PRELP: variants seen among roughly 807,000 people sequenced by gnomAD.
PRELP encodes prolargin.
PRELP carries 16 observed loss-of-function variants against 22.8 expected under a neutral mutation model. The observed-to-expected ratio is 0.70, with a 90% CI of 0.47 to 1.06. The LOEUF is 1.06. Ranked by LOEUF, PRELP falls within the 50% of genes least tolerant of loss-of-function variation. The pLI is 0.00. For synonymous variants in PRELP, 233 were observed against 211.4 expected, an observed-to-expected ratio of 1.10 and a Z score of -0.89; for missense variants, 434 against 485.2, an observed-to-expected ratio of 0.89 and a Z score of 0.99.
chr1:203,483,403 TC>T lies in PRELP; in HGVS notation c.223del (p.Arg75AlafsTer67). 6.2e-7 allele frequency: 1 copy of T among 1,613,996 alleles called. No individual in the cohort carries two copies. The highest frequency in any genetic ancestry group is 8.5e-7 in the Non-Finnish European group (1 of 1,179,974). On this transcript the variant is annotated frameshift_variant, in exon 2 of 3. Transcript: ENST00000343110. LOFTEE classifies it high-confidence loss of function. This position sits in a 1 kb window ranked among gnomAD's most constrained non-coding sequence, Gnocchi z 4.4. ...GCCCTCCATCTATCTTCCCTGACTG[TC>T]CCCGCGAATGCTACTGCCCCCCTGA... ...PGPPSIFPDC[P>X]RECYCPPDFP...
chr1:203,484,181 G>GGGGGGGGGGGC, intron 2 of PRELP, 24 bp downstream of exon 2: 4 of 1,511,592 alleles, frequency 2.6e-6, no homozygotes, highest in Non-Finnish European at 3.6e-6. Context: ...GCCGGGGCGG[G>GGGGGGGGGGGC]GCCGAAGGCA....
intron 1 of PRELP, among the ~76,000 whole-genome samples, 178 bp downstream of exon 1, chr1:203,476,116 C>T (rs1364901340): frequency 6.6e-6 from 1 of 152,160 alleles, no homozygotes; most frequent in African/African-American, 2.4e-5. Context: ...CCTATAGCCT[C>T]TTCCTTTTCT....
Position 203,486,713 on chromosome 1 carries a change from C to G in PRELP, c.981C>G (p.Asn327Lys). 2.5e-6 allele frequency: 4 copies of G among 1,609,388 alleles called. No homozygotes were observed. Among genetic ancestry groups the G allele is most frequent in the Non-Finnish European group, 3.4e-6 (4 of 1,176,076 alleles). Residue 327 changes from asparagine to lysine, a missense_variant, in exon 3 of 3, where the codon AAC becomes AAG. Coordinates refer to ENST00000343110, the MANE Select transcript of PRELP (RefSeq NM_002725.4). ...CGTCTTCTTTTTCCGTAGAAATCAACGGAACCCAGATTTGCCCCAACGACC... is the reference window on the plus strand; with the variant it reads ...CGTCTTCTTTTTCCGTAGAAATCAAGGGAACCCAGATTTGCCCCAACGACC... ...YLNNNSIEKI[N>K]GTQICPNDLV...
At chr1:203,481,792 G>A (rs555283277) in intron 1 of PRELP, among the ~76,000 whole-genome samples, 8 of 152,190 alleles carry the variant, frequency 5.3e-5, no homozygotes, top group Non-Finnish European at 1.0e-4. Context: ...TGGATCTGCT[G>A]TTAAACAGCA....
In PRELP at chr1:203,487,912, C is replaced by T. The variant is rs1661125619; in HGVS notation, c.*1031C>T. 1.3e-5 allele frequency: 2 copies of T among 152,262 alleles called. No individual in the cohort carries two copies. The highest frequency in any genetic ancestry group is 4.8e-5 in the African/African-American group (2 of 41,468). 9.4% of individuals were successfully genotyped at this position (152,262 alleles called of 1,614,324 possible). On this transcript the variant is annotated 3_prime_UTR_variant, in exon 3 of 3. Transcript: ENST00000343110. The stretch of plus-strand genomic sequence containing the variant: ...CTCCACGTTTGAAAATGCGCCTCCT[C>T]CTCGGAGACAGACGCATCGGTGCCA...
rs981184744 is a variant in PRELP, at chr1:203,490,774, C to A, written c.*3893C>A. 6.6e-6 allele frequency: 1 copy of A among 152,232 alleles called. No homozygotes were observed. Among genetic ancestry groups the A allele is most frequent in the Non-Finnish European group, 1.5e-5 (1 of 68,050 alleles). The allele number at this position is 152,232 out of a possible 1,614,324, so 9.4% of individuals were successfully genotyped here. Reference sequence around the variant, plus strand: ...TGAGAACTGCCAGGTGACGCCCTCGCTGCTCCTACCTGGCTACTAAACATC... The same window carrying A: ...TGAGAACTGCCAGGTGACGCCCTCGATGCTCCTACCTGGCTACTAAACATC... On this transcript the variant is annotated 3_prime_UTR_variant, in exon 3 of 3. Transcript: ENST00000343110.
rs146499921 is a variant in PRELP at position 203,484,027 on chromosome 1, G to C, written c.843G>C (p.Arg281Ser). Residue 281 changes from arginine (R) to serine (S), a missense_variant, in exon 2 of 3, where the codon AGG (arginine) becomes AGC (serine). Physicochemically the swap from Arg to Ser is moderately radical, Grantham distance 110 (BLOSUM62 -1). Transcript: ENST00000343110. The stretch of plus-strand genomic sequence containing the variant: ...TTAACTACAACAAGCTGACAGACAG[G>C]GGACTCCCCAAGAACTCCTTTAATA... ...IRLNYNKLTD[R>S]GLPKNSFNIS... is the part of the protein sequence containing the mutation. 6.2e-7 allele frequency: 1 copy of C among 1,614,232 alleles called. No homozygotes were observed. Among genetic ancestry groups the C allele is most frequent in the African/African-American group, 1.3e-5 (1 of 75,048 alleles).
At chr1:203,479,024 G>T (rs1660955966) in intron 1 of PRELP, among the ~76,000 whole-genome samples, 1 of 152,192 alleles carries the variant, frequency 6.6e-6, no homozygotes, top group Non-Finnish European at 1.5e-5. Flanking sequence ...AAAAGAGAGA[G>T]GGGTGTTCCG....
intron 1 of PRELP, 46 bp downstream of exon 1, chr1:203,475,984 AT>A (rs1377204899): frequency 2.0e-5 from 3 of 152,594 alleles, no homozygotes; most frequent in African/African-American, 7.2e-5. Context: ...AGAATCTTTC[AT>A]CCAGTAAGTT....
At chr1:203,485,269 A>C (rs930493712) in intron 2 of PRELP, among the ~76,000 whole-genome samples, 1 of 152,146 alleles carries the variant, frequency 6.6e-6, no homozygotes, top group Non-Finnish European at 1.5e-5. Context: ...GCCAAAATAC[A>C]GACAGAAGGG....
In PRELP at chr1:203,488,851, G is replaced by T. The variant is rs1224213448; in HGVS notation, c.*1970G>T. On this transcript the variant is annotated 3_prime_UTR_variant, in exon 3 of 3. Coordinates refer to ENST00000343110, the MANE Select transcript of PRELP (RefSeq NM_002725.4). ...GTGTATATTGGTGGGAGGCATAGAGGATGGATGTTCTAGAAATGAGTAAGA... is the reference window on the plus strand; with the variant it reads ...GTGTATATTGGTGGGAGGCATAGAGTATGGATGTTCTAGAAATGAGTAAGA... 1 of 152,118 alleles carries T rather than the reference G, an allele frequency of 6.6e-6. No individual in the cohort carries two copies. The highest frequency in any genetic ancestry group is 2.4e-5 in the African/African-American group (1 of 41,408). The allele number at this position is 152,118 out of a possible 1,614,324, so 9.4% of individuals were successfully genotyped here. A position where few individuals can be genotyped will look rare whatever the true frequency, so the allele number is the denominator to read the frequency against.
chr1:203,485,405 C>A (rs537030344), intron 2 of PRELP, among the ~76,000 whole-genome samples: 274 of 152,300 alleles, frequency 1.8e-3, no homozygotes, highest in African/African-American at 6.0e-3. Context: ...GAGCCCACCC[C>A]ATCCAGCCTG....
chr1:203,486,206 C>T (rs1452417974), intron 2 of PRELP, among the ~76,000 whole-genome samples: 9 of 152,190 alleles, frequency 5.9e-5, no homozygotes, highest in Non-Finnish European at 1.2e-4. Context: ...TAACATCGCT[C>T]TCACAAAGAC....
Position 203,483,895 on chromosome 1 carries a change from G to A in PRELP, c.711G>A (p.Pro237=), listed in dbSNP as rs2233728. The change falls in exon 2 of 3, where the codon CCG becomes CCA. Residue 237 remains proline (P), a synonymous_variant. Transcript: ENST00000343110. This position sits in a 1 kb window ranked among gnomAD's most constrained non-coding sequence, Gnocchi z 4.4. ...NLAHNILRKM[P]PRVPTAIHQL... is the part of the protein sequence containing the mutation. The stretch of plus-strand genomic sequence containing the variant: ...CCCACAACATCCTGAGAAAGATGCC[G>A]CCCAGGGTCCCCACCGCCATTCACC... 5,248 of 1,614,120 alleles carry A rather than the reference G, an allele frequency of 3.3e-3. 139 individuals are homozygous for A. In the African/African-American group the frequency reaches 0.057, roughly 18 times the overall value.
In PRELP at chr1:203,486,753, G is replaced by C; in HGVS notation, c.1021G>C (p.Asp341His). ...ICPNDLVAFH[D>H]FSSDLENVPH... is the part of the protein sequence containing the mutation. The stretch of plus-strand genomic sequence containing the variant: ...CCCCAACGACCTAGTGGCGTTCCAT[G>C]ACTTCTCCTCGGACCTGGAGAACGT... The change falls in exon 3 of 3, where the codon GAC becomes CAC. Residue 341 changes from aspartate to histidine, a missense_variant. By Grantham distance (81) the Asp-to-His change is moderately conservative. Transcript: ENST00000343110. 1 of 1,614,102 alleles carries C rather than the reference G, an allele frequency of 6.2e-7. No individual in the cohort carries two copies.
intron 1 of PRELP, among the ~76,000 whole-genome samples, chr1:203,481,021 C>CGCCCT (rs386369363): frequency 5.3e-5 from 8 of 152,110 alleles, no homozygotes; most frequent in Admixed American, 4.6e-4. Context: ...AACCCCGCCC[C>CGCCCT]GCCCAGCACA....
At position 203,483,176 on chromosome 1, in the gene PRELP, A is replaced by C. The variant is rs1251294303; in HGVS notation, c.-9A>C. 1.7e-5 allele frequency: 26 copies of C among 1,528,050 alleles called. No homozygotes were observed. Among genetic ancestry groups the C allele is most frequent in the Non-Finnish European group, 2.0e-5 (23 of 1,140,184 alleles). 94.7% of individuals were successfully genotyped at this position (1,528,050 alleles called of 1,614,324 possible). On this transcript the variant is annotated 5_prime_UTR_variant, in exon 2 of 3. Transcript: ENST00000343110. This position sits in a 1 kb window ranked among gnomAD's most constrained non-coding sequence, Gnocchi z 4.4. ...TGTGTCTTCTCCCTGCAGGTGCATC[A>C]CCTGGATCATGAGGTCACCCCTCTG... is the stretch of plus-strand genomic sequence containing the variant.
Position 203,483,837 on chromosome 1 carries a change from A to G in PRELP, c.653A>G (p.His218Arg), listed in dbSNP as rs751493155. ...GGCGTCTTCAAGCCCGACACCTTCC[A>G]TGGCCTCAAGAACCTCATGCAGCTC... ...SDGVFKPDTF[H>R]GLKNLMQLNL... Residue 218 changes from histidine to arginine, a missense_variant, in exon 2 of 3, where the codon CAT (histidine) becomes CGT (arginine). Coordinates refer to ENST00000343110, the MANE Select transcript of PRELP (RefSeq NM_002725.4). The surrounding 1 kb of genome is among the most constrained non-coding windows in gnomAD (Gnocchi z 4.4). The G allele has an allele frequency of 1.9e-6, 3 of 1,614,088 alleles. No homozygotes were observed. Among genetic ancestry groups the G allele is most frequent in the Admixed American group, 1.7e-5 (1 of 60,016 alleles).
At chr1:203,482,628 C>T (rs1219264487) in intron 1 of PRELP, among the ~76,000 whole-genome samples, 1 of 90,200 alleles carries the variant, frequency 1.1e-5, no homozygotes, top group East Asian at 4.1e-4. Flanking sequence ...GATGGAGTCT[C>T]ACTCTGTCAC....
Sources: gnomAD v4.1 joint callset for allele counts (sites outside exome capture counted in the v4.1 genomes callset) on GRCh38, gnomAD v4.1.1 for gene constraint, Gnocchi (gnomAD v3.1) non-coding constraint, MANE v1.5 for transcripts, NCBI Gene and HGNC (gene_info 2026-07-23, HGNC 2026-07-21) for gene names.